The following CPE variants were observed in gnomAD, a reference collection of about 807,000 sequenced individuals.
The protein encoded by CPE is carboxypeptidase E, also known as carbocypeptidase E.
A neutral mutation model predicts 53.5 loss-of-function variants in CPE; 17 were observed. That is an observed-to-expected ratio of 0.32 (90% CI 0.22 to 0.48). The LOEUF (loss-of-function observed/expected upper bound fraction) is 0.48, where lower values mean the gene tolerates loss of function less well. CPE is among the 20% of genes least tolerant of loss of function. CPE has a pLI of 0.99. For synonymous variants in CPE, 226 were observed against 228.8 expected (o/e 0.99, Z 0.11); for missense variants, 524 against 614.7 (o/e 0.85, Z 1.56).
chr4:165,464,100 TATAAC>T (rs527264413), intron 1 of CPE, among the ~76,000 whole-genome samples: 148 of 152,338 alleles, frequency 9.7e-4, no homozygotes, highest in Admixed American at 3.2e-3. Flanking sequence ...GCTCCACACT[TATAAC>T]TTAATTTAAC....
At chr4:165,438,857 G>A (rs1731555949) in intron 1 of CPE, among the ~76,000 whole-genome samples, 1 of 152,130 alleles carries the variant, frequency 6.6e-6, no homozygotes. Context: ...AAGAGTGCTT[G>A]CGCAAAGGAT....
Position 165,495,546 on chromosome 4 carries a change from T to G in CPE, c.1214-13T>G, listed in dbSNP as rs1409457550. On this transcript the variant is annotated splice_polypyrimidine_tract_variant and intron_variant, in intron 7 of 8. Transcript: ENST00000402744. ...TCATGTGCTTTGTGATTTGATATTC[T>G]GCCTTCCTACAGCAAAGGATGGTGA... The G allele has an allele frequency of 1.9e-6, 3 of 1,544,588 alleles. No homozygotes were observed. The highest frequency in any genetic ancestry group is 2.7e-6 in the Non-Finnish European group (3 of 1,121,066).
Position 165,497,837 on chromosome 4 carries a change from A to G in CPE, c.*227A>G, listed in dbSNP as rs1732730012. On this transcript the variant is annotated 3_prime_UTR_variant, in exon 9 of 9. Transcript: ENST00000402744. ...TTCATTTTCCTACCTATATTACACAAAAAAGTATAGAAAAGATTTAAGTAA... is the reference window on the plus strand; with the variant it reads ...TTCATTTTCCTACCTATATTACACAGAAAAGTATAGAAAAGATTTAAGTAA... 1 of 259,764 alleles carries G rather than the reference A, an allele frequency of 3.8e-6. No individual in the cohort carries two copies. The highest frequency in any genetic ancestry group is 7.1e-6 in the Non-Finnish European group (1 of 140,152). The allele number at this position is 259,764 out of a possible 1,614,324, so 16.1% of individuals were successfully genotyped here.
chr4:165,467,294 G>A (rs1732121214), intron 2 of CPE, among the ~76,000 whole-genome samples: 1 of 152,226 alleles, frequency 6.6e-6, no homozygotes, highest in South Asian at 2.1e-4. Context: ...CTGCACCCAA[G>A]CCTGGGCAAC....
At chr4:165,442,022 TG>T (rs758166327) in intron 1 of CPE, among the ~76,000 whole-genome samples, 234 of 96,900 alleles carry the variant, frequency 2.4e-3, no homozygotes, top group African/African-American at 9.8e-3. Context: ...ACGGTGAGTT[TG>T]TTTTTTTTTT....
At chr4:165,487,876 C>T (rs957902460) in intron 6 of CPE, among the ~76,000 whole-genome samples, 3 of 152,070 alleles carry the variant, frequency 2.0e-5, no homozygotes, top group South Asian at 2.1e-4. Flanking sequence ...CCCTGATCAC[C>T]GTGAGGCATC....
intron 1 of CPE, among the ~76,000 whole-genome samples, chr4:165,416,761 C>T (rs1401744960): frequency 1.3e-5 from 2 of 152,082 alleles, no homozygotes; most frequent in Middle Eastern, 3.4e-3. Context: ...GCCTCCTCAT[C>T]AACCTGTTTT....
At chr4:165,424,114 C>T (rs28376336) in intron 1 of CPE, among the ~76,000 whole-genome samples, 44,600 of 151,380 alleles carry the variant, frequency 0.29, 6,639 homozygotes, top group Middle Eastern at 0.39. Context: ...CCATATATAA[C>T]TTCTTGCTGC....
intron 1 of CPE, among the ~76,000 whole-genome samples, chr4:165,415,835 A>C (rs1354710978): frequency 6.6e-6 from 1 of 152,084 alleles, no homozygotes; most frequent in Non-Finnish European, 1.5e-5. Flanking sequence ...TTTGTCACAT[A>C]TATAGAAGTC....
intron 1 of CPE, among the ~76,000 whole-genome samples, chr4:165,412,292 G>A (rs1336356963): frequency 6.6e-6 from 1 of 152,078 alleles, no homozygotes; most frequent in African/African-American, 2.4e-5. Flanking sequence ...TTTTGGTGGT[G>A]GGAAAATTGT....
chr4:165,427,381 CA>C (rs1387366391), intron 1 of CPE, among the ~76,000 whole-genome samples: 1 of 136,956 alleles, frequency 7.3e-6, no homozygotes, highest in Non-Finnish European at 1.6e-5. Flanking sequence ...TAATTTTGTC[CA>C]ACCTTTTTTT....
In CPE at chr4:165,497,670, T is replaced by C; in HGVS notation, c.*60T>C. On this transcript the variant is annotated 3_prime_UTR_variant, in exon 9 of 9. Transcript: ENST00000402744. ...TATAATGTAGTATGATGTAATGTGG[T>C]CTTTTTTTTAGATTTTGTGCAGTTA... 1 of 924,552 alleles carries C rather than the reference T, an allele frequency of 1.1e-6. No homozygotes were observed. Among genetic ancestry groups the C allele is most frequent in the Non-Finnish European group, 1.5e-6 (1 of 661,544 alleles). The allele number at this position is 924,552 out of a possible 1,614,324, so 57.3% of individuals were successfully genotyped here.
intron 1 of CPE, among the ~76,000 whole-genome samples, chr4:165,424,878 A>ATTTTTT (rs1579255242): frequency 9.1e-6 from 1 of 109,836 alleles, no homozygotes; most frequent in Non-Finnish European, 2.0e-5. Context: ...AAAAGTAGAA[A>ATTTTTT]CTTTTTTTTT....
intron 6 of CPE, among the ~76,000 whole-genome samples, chr4:165,492,732 A>G (rs1732629494): frequency 6.6e-6 from 1 of 152,200 alleles, no homozygotes; most frequent in African/African-American, 2.4e-5. Flanking sequence ...ACTGTCTGTA[A>G]TCTATAGATA....
intron 1 of CPE, among the ~76,000 whole-genome samples, chr4:165,421,425 G>A (rs192618939): frequency 2.0e-5 from 3 of 152,306 alleles, no homozygotes; most frequent in East Asian, 1.9e-4. Flanking sequence ...TATTCCACCT[G>A]CTGGACTTGA....
chr4:165,441,842 G>A (rs1308920183), intron 1 of CPE, among the ~76,000 whole-genome samples: 1 of 152,156 alleles, frequency 6.6e-6, no homozygotes, highest in Non-Finnish European at 1.5e-5. Flanking sequence ...TTTGGTAAAT[G>A]CTTCTAATCA....
intron 3 of CPE, among the ~76,000 whole-genome samples, chr4:165,472,838 A>G (rs751695076): frequency 4.6e-5 from 7 of 152,232 alleles, no homozygotes; most frequent in Non-Finnish European, 8.8e-5. Context: ...CATGCCTTGC[A>G]TATAAAAGTT....
At chr4:165,447,088 A>G (rs765902710) in intron 1 of CPE, among the ~76,000 whole-genome samples, 5 of 152,232 alleles carry the variant, frequency 3.3e-5, no homozygotes, top group Admixed American at 6.5e-5. Flanking sequence ...TAGAAAAGGT[A>G]CAATAAAAAT....
intron 1 of CPE, among the ~76,000 whole-genome samples, chr4:165,450,579 T>C (rs946084453): frequency 2.6e-5 from 4 of 152,228 alleles, no homozygotes; most frequent in Non-Finnish European, 5.9e-5. Flanking sequence ...TGTAAAACCA[T>C]GCATAATTAT....
Sources: gnomAD v4.1 joint callset for allele counts (sites outside exome capture counted in the v4.1 genomes callset) on GRCh38, gnomAD v4.1.1 for gene constraint, MANE v1.5 for transcripts, NCBI Gene and HGNC (gene_info 2026-07-23, HGNC 2026-07-21) for gene names.